The following PPP6R3 variants were observed in gnomAD, a reference collection of about 807,000 sequenced individuals.
The protein encoded by PPP6R3 is serine/threonine-protein phosphatase 6 regulatory subunit 3.
Under a neutral mutation model 110.7 loss-of-function variants are expected in PPP6R3, and 38 were observed. The ratio of observed to expected loss-of-function variants is 0.34; its 90% CI spans 0.26 to 0.45. The LOEUF is 0.45. Among genes scored for constraint, PPP6R3 ranks in the 20% least tolerant of loss-of-function variants. The pLI is 1.00. For synonymous variants in PPP6R3, 369 were observed against 373.5 expected, an observed-to-expected ratio of 0.99 and a Z score of 0.14; for missense variants, 870 against 1,062.4, an observed-to-expected ratio of 0.82 and a Z score of 2.52.
intron 19 of PPP6R3, among the ~76,000 whole-genome samples, chr11:68,596,872 A>G (rs1026176812): frequency 6.6e-6 from 1 of 152,160 alleles, no homozygotes; most frequent in African/African-American, 2.4e-5. Context: ...GGCCTTTTTT[A>G]TGTTCATCCC....
chr11:68,603,606 T>C, intron 22 of PPP6R3, 114 bp downstream of exon 22: 1 of 1,299,012 alleles, frequency 7.7e-7, no homozygotes, highest in Non-Finnish European at 1.1e-6. Flanking sequence ...AGATACTAGC[T>C]TGATGTCTTT....
rs199753303 is a variant in PPP6R3 at position 68,603,364 on chromosome 11, A to C, written c.2322A>C (p.Glu774Asp). 2 of 1,614,018 alleles carry C rather than the reference A, an allele frequency of 1.2e-6. No homozygotes were observed. The highest frequency in any genetic ancestry group is 1.7e-5 in the Admixed American group (1 of 59,980). The change falls in exon 22 of 24, where the codon GAA becomes GAC. Residue 774 changes from glutamate to aspartate, a missense_variant. Transcript: ENST00000393800. ...QPEAAGSVAMEASSDGEEDAE... is the reference protein window; with the variant it reads ...QPEAAGSVAMDASSDGEEDAE... ...CAGCGGCAGGCAGTGTGGCCATGGA[A>C]GCCAGCTCTGACGGAGAGGAGGATG...
intron 2 of PPP6R3, among the ~76,000 whole-genome samples, chr11:68,521,575 A>G (rs1329780541): frequency 1.3e-5 from 2 of 152,276 alleles, no homozygotes; most frequent in East Asian, 3.9e-4. Flanking sequence ...AATCAATGCC[A>G]GGTGGTTAGG....
rs1250552708 is a variant in PPP6R3, at chr11:68,554,208, C to G, written c.682C>G (p.Gln228Glu). The G allele has an allele frequency of 6.2e-7, 1 of 1,613,984 alleles. No individual in the cohort carries two copies. Among genetic ancestry groups the G allele is most frequent in the Non-Finnish European group, 8.5e-7 (1 of 1,179,924 alleles). Residue 228 changes from glutamine (Q) to glutamate (E), a missense_variant, in exon 7 of 24, where the codon CAA (glutamine) becomes GAA (glutamate). By Grantham distance (29) the Gln-to-Glu change is conservative. Transcript: ENST00000393800. ...TCGCCTGAGCAGAGACCAGATGTTA[C>G]AAATTCAGAACAGTACAGAGCCCGA... The part of the protein sequence containing the change: ...IVRLSRDQML[Q>E]IQNSTEPDPL...
At chr11:68,468,087 A>G (rs1161476443) in intron 1 of PPP6R3, among the ~76,000 whole-genome samples, 3 of 152,196 alleles carry the variant, frequency 2.0e-5, no homozygotes, top group Non-Finnish European at 4.4e-5. Context: ...TTATTCTTAC[A>G]GAAAAATGGA....
chr11:68,482,652 T>G (rs1465023278), intron 1 of PPP6R3, among the ~76,000 whole-genome samples: 5 of 152,132 alleles, frequency 3.3e-5, no homozygotes, highest in Admixed American at 6.5e-5. Context: ...TTTTTTGGTT[T>G]GGGATAGAAA....
At chr11:68,566,850 T>C in intron 9 of PPP6R3, 164 bp from the exon 10 acceptor site, 1 of 488,654 alleles carries the variant, frequency 2.0e-6, no homozygotes, top group East Asian at 3.4e-5. Context: ...GCTTGGTTAT[T>C]TCATTGTATC....
intron 1 of PPP6R3, among the ~76,000 whole-genome samples, chr11:68,484,992 A>G (rs985053677): frequency 2.6e-5 from 4 of 152,206 alleles, no homozygotes; most frequent in African/African-American, 9.6e-5. Context: ...TGATATCATG[A>G]CAATATTGAA....
rs558096364 is a variant in PPP6R3 at position 68,507,575 on chromosome 11, T to A, written c.-157-11926T>A. Among the ~76,000 whole-genome samples the A allele has an allele frequency of 2.0e-5, 3 of 152,296 alleles. No homozygotes were observed. In the South Asian group the frequency reaches 6.2e-4, roughly 32 times the overall value. ...AATGGTGAACAAGTCCTTGTAGAGA[T>A]GAATTATCTTCCCATCTCATTACCT... On this transcript the variant is annotated intron_variant, in intron 1 of 23. Coordinates refer to ENST00000393800, the MANE Select transcript of PPP6R3 (RefSeq NM_001164161.2).
At chr11:68,462,371 G>A (rs2098714057) in intron 1 of PPP6R3, among the ~76,000 whole-genome samples, 1 of 152,112 alleles carries the variant, frequency 6.6e-6, no homozygotes, top group Admixed American at 6.5e-5. Flanking sequence ...CCTTAAATTA[G>A]GAACATTTAC....
intron 1 of PPP6R3, among the ~76,000 whole-genome samples, chr11:68,517,592 G>A (rs564524727): frequency 1.6e-4 from 25 of 152,298 alleles, no homozygotes; most frequent in African/African-American, 6.0e-4. Context: ...GAGCATGCAG[G>A]AAGGGGCTCC....
At chr11:68,593,627 A>G (rs1438136335) in intron 18 of PPP6R3, among the ~76,000 whole-genome samples, 1 of 152,260 alleles carries the variant, frequency 6.6e-6, no homozygotes, top group Non-Finnish European at 1.5e-5. Context: ...GAAAAAGAAC[A>G]AAGGGCAGCC....
At position 68,477,789 on chromosome 11, in the gene PPP6R3, C is replaced by T. The variant is rs181741343; in HGVS notation, c.-158+16962C>T. Among the ~76,000 whole-genome samples the T allele has an allele frequency of 5.6e-3, 729 of 129,962 alleles. 4 individuals carry two copies. The highest frequency in any genetic ancestry group is 8.1e-3 in the Non-Finnish European group (508 of 62,410). The allele number at this position is 129,962 out of a possible 152,430, so 85.3% of individuals were successfully genotyped here. On this transcript the variant is annotated intron_variant, in intron 1 of 23. Coordinates refer to ENST00000393800, the MANE Select transcript of PPP6R3 (RefSeq NM_001164161.2). The stretch of plus-strand genomic sequence containing the variant: ...ATATATATAATTTCCAACTTACAGT[C>T]GATTTTTTGGGACATAACCAACCCC...
intron 2 of PPP6R3, among the ~76,000 whole-genome samples, chr11:68,532,642 C>T (rs1044782058): frequency 2.6e-5 from 4 of 152,114 alleles, no homozygotes; most frequent in South Asian, 2.1e-4. Flanking sequence ...ATGACTGATA[C>T]GAATGAAAAT....
intron 15 of PPP6R3, chr11:68,587,563 G>C: frequency 3.6e-6 from 1 of 275,544 alleles, no homozygotes; most frequent in Non-Finnish European, 7.1e-6. Flanking sequence ...GGATAAAGTT[G>C]GTTGTGTCCA....
intron 8 of PPP6R3, 91 bp downstream of exon 8, chr11:68,558,770 T>C: frequency 1.1e-6 from 1 of 902,240 alleles, no homozygotes. Flanking sequence ...TGTAATAGCG[T>C]ACCTTTGAAT....
At chr11:68,466,190 T>C (rs181736467) in intron 1 of PPP6R3, among the ~76,000 whole-genome samples, 181 of 152,322 alleles carry the variant, frequency 1.2e-3, no homozygotes, top group Non-Finnish European at 8.8e-5. Flanking sequence ...GTTTTGGCCT[T>C]TTGACTTTGG....
intron 1 of PPP6R3, among the ~76,000 whole-genome samples, chr11:68,498,691 A>G (rs996701517): frequency 2.6e-5 from 4 of 152,192 alleles, no homozygotes; most frequent in Non-Finnish European, 5.9e-5. Context: ...CTGTTGCTTC[A>G]CAAAATTTTG....
At chr11:68,583,309 G>C (rs1300042701) in intron 15 of PPP6R3, among the ~76,000 whole-genome samples, 180 bp downstream of exon 15, 1 of 152,176 alleles carries the variant, frequency 6.6e-6, no homozygotes, top group Admixed American at 6.5e-5. Context: ...ATTTGTATTG[G>C]TTATGTTTCA....
Sources: allele counts gnomAD v4.1 joint callset (sites outside exome capture counted in the v4.1 genomes callset), GRCh38; gene constraint gnomAD v4.1.1; transcripts MANE v1.5; gene names NCBI Gene and HGNC (gene_info 2026-07-23, HGNC 2026-07-21).